The following PPM1K variants were observed in gnomAD, a reference collection of about 807,000 sequenced individuals.
PPM1K encodes protein phosphatase Mn(2+)-dependent 1K.
Under a neutral mutation model 32.6 loss-of-function variants are expected in PPM1K, and 19 were observed. That is an observed-to-expected ratio of 0.58 (90% CI 0.41 to 0.86). PPM1K has a LOEUF of 0.86. Ranked by LOEUF, PPM1K falls within the 40% of genes least tolerant of loss-of-function variation. The probability of loss-of-function intolerance (pLI) is 0.00; values close to 1 mark genes in which losing one functional copy is unlikely to be tolerated. For missense variants in PPM1K, 362 were observed against 461.2 expected, an observed-to-expected ratio of 0.78 and a Z score of 1.97; for synonymous variants, 159 against 165.3, an observed-to-expected ratio of 0.96 and a Z score of 0.29.
rs915422872 is a variant in PPM1K, at chr4:88,261,605, G to T, written c.*990C>A. The T allele has an allele frequency of 6.6e-6, 1 of 151,954 alleles. No individual in the cohort carries two copies. The highest frequency in any genetic ancestry group is 2.4e-5 in the African/African-American group (1 of 41,406). 9.4% of individuals were successfully genotyped at this position (151,954 alleles called of 1,614,324 possible). A position where few individuals can be genotyped will look rare whatever the true frequency, so the allele number is the denominator to read the frequency against. On this transcript the variant is annotated 3_prime_UTR_variant, in exon 7 of 7. Coordinates refer to ENST00000608933, the MANE Select transcript of PPM1K (RefSeq NM_152542.5). ...ACAGAAAAATAGGAATAAATGGAGGGGAGGGCTGATGAGACAGCTGAAATA... is the reference window on the plus strand; with the variant it reads ...ACAGAAAAATAGGAATAAATGGAGGTGAGGGCTGATGAGACAGCTGAAATA...
rs1731222152 is a variant in PPM1K, at chr4:88,264,058, G to A, written c.987+943C>T. On this transcript the variant is annotated intron_variant, in intron 6 of 6. Transcript: ENST00000608933. ...TTTGTGAATTAGAATGCAAATATCT[G>A]CAAGACAGGCAGCTGAAATTAGGAA... Among the ~76,000 whole-genome samples the A allele has an allele frequency of 2.0e-5, 3 of 152,172 alleles. No homozygotes were observed. The South Asian group carries it at 6.2e-4, about 32-fold the overall frequency.
intron 5 of PPM1K, among the ~76,000 whole-genome samples, chr4:88,266,269 GGACAATGAA>G (rs1731299670): frequency 6.6e-6 from 1 of 152,216 alleles, no homozygotes; most frequent in Non-Finnish European, 1.5e-5. Context: ...GGGCAGTTCA[GGACAATGAA>G]GACACTGATT....
intron 3 of PPM1K, 177 bp downstream of exon 3, chr4:88,276,966 T>C (rs937864524): frequency 1.1e-5 from 7 of 659,618 alleles, no homozygotes; most frequent in African/African-American, 3.7e-5. Context: ...TTAACATTAA[T>C]TGGAGTTCCC....
intron 3 of PPM1K, chr4:88,275,486 G>A (rs1008314024): frequency 2.0e-5 from 20 of 985,184 alleles, no homozygotes; most frequent in Non-Finnish European, 2.4e-5. Flanking sequence ...TTTACATCAA[G>A]TCAATCACCG....
chr4:88,262,467 ACTAT>A lies in PPM1K; in HGVS notation c.*124_*127del, dbSNP rs1328194824. 3.0e-5 allele frequency: 28 copies of A among 935,424 alleles called. No individual in the cohort carries two copies. Among genetic ancestry groups the A allele is most frequent in the Admixed American group, 5.8e-5 (2 of 34,212 alleles). 57.9% of individuals were successfully genotyped at this position (935,424 alleles called of 1,614,324 possible). A position where few individuals can be genotyped will look rare whatever the true frequency, so the allele number is the denominator to read the frequency against. On this transcript the variant is annotated 3_prime_UTR_variant, in exon 7 of 7. Coordinates refer to ENST00000608933, the MANE Select transcript of PPM1K (RefSeq NM_152542.5). Reference sequence around the variant, plus strand: ...TATGATGAGCATTTATGAAAAAACTACTATCTAAGTGGTTTACACTGACTTGTGC... The same window carrying A: ...TATGATGAGCATTTATGAAAAAACTACTAAGTGGTTTACACTGACTTGTGC...
At chr4:88,270,289 T>C (rs1438118408) in intron 3 of PPM1K, among the ~76,000 whole-genome samples, 1 of 152,212 alleles carries the variant, frequency 6.6e-6, no homozygotes, top group Admixed American at 6.5e-5. Context: ...ATGAACAAAC[T>C]CTACTTAATC....
At chr4:88,272,220 G>T (rs535567919) in intron 3 of PPM1K, among the ~76,000 whole-genome samples, 1 of 152,160 alleles carries the variant, frequency 6.6e-6, no homozygotes, top group African/African-American at 2.4e-5. Context: ...AGCACGGTAA[G>T]AACATCTCAT....
At chr4:88,283,309 G>A (rs1003995155) in intron 1 of PPM1K, among the ~76,000 whole-genome samples, 9 of 152,198 alleles carry the variant, frequency 5.9e-5, no homozygotes, top group African/African-American at 2.2e-4. Context: ...CCGAGGTTTC[G>A]ATGTGTTGCC....
intron 6 of PPM1K, among the ~76,000 whole-genome samples, chr4:88,263,808 C>T (rs1231811709): frequency 6.6e-6 from 1 of 152,056 alleles, no homozygotes; most frequent in Non-Finnish European, 1.5e-5. Context: ...ATAGCTGGGA[C>T]TATACATGCA....
intron 5 of PPM1K, among the ~76,000 whole-genome samples, chr4:88,266,960 G>GTGCAGGTGATGCTGATTGGA (rs1560485600): frequency 3.4e-5 from 5 of 146,074 alleles, no homozygotes; most frequent in African/African-American, 1.3e-4. Context: ...TGCTGATTGG[G>GTGCAGGTGATGCTGATTGGA]TGCAGGTGAT....
chr4:88,276,260 G>A, intron 3 of PPM1K: 1 of 985,268 alleles, frequency 1.0e-6, no homozygotes, highest in Non-Finnish European at 1.2e-6. Flanking sequence ...CATTTCTGTG[G>A]TGCACTTGGT....
intron 3 of PPM1K, among the ~76,000 whole-genome samples, chr4:88,273,830 G>A (rs752650297): frequency 5.9e-5 from 9 of 152,176 alleles, no homozygotes; most frequent in Non-Finnish European, 1.2e-4. Flanking sequence ...AAAAGATTAG[G>A]GTGGGGGTGG....
intron 6 of PPM1K, among the ~76,000 whole-genome samples, chr4:88,263,616 T>A (rs1731205575): frequency 6.6e-6 from 1 of 151,902 alleles, no homozygotes; most frequent in Admixed American, 6.6e-5. Context: ...GTAAAAAAAA[T>A]ATTTTTTTTT....
Position 88,268,770 on chromosome 4 carries a change from A to T in PPM1K, c.678T>A (p.His226Gln), listed in dbSNP as rs1415851456. Reference protein sequence around the residue: ...KGKPMKLTIDHTPERKDEKER... With the variant: ...KGKPMKLTIDQTPERKDEKER... ...CTTTTTCATCTTTTCTTTCTGGAGT[A>T]TGGTCAATGGTCAGCTTCATGGGTT... Residue 226 changes from histidine (H) to glutamine (Q), a missense_variant, in exon 4 of 7, where the codon CAT becomes CAA. Coordinates refer to ENST00000608933, the MANE Select transcript of PPM1K (RefSeq NM_152542.5). The T allele has an allele frequency of 6.2e-7, 1 of 1,613,912 alleles. No homozygotes were observed. Among genetic ancestry groups the T allele is most frequent in the East Asian group, 2.2e-5 (1 of 44,898 alleles).
chr4:88,264,967 C>T, intron 6 of PPM1K, 34 bp downstream of exon 6: 1 of 1,611,564 alleles, frequency 6.2e-7, no homozygotes, highest in Non-Finnish European at 8.5e-7. Context: ...CCTTCCTTCT[C>T]CTTGGGACTT....
At chr4:88,283,408 T>C (rs1380861156) in intron 1 of PPM1K, among the ~76,000 whole-genome samples, 1 of 152,356 alleles carries the variant, frequency 6.6e-6, no homozygotes, top group Middle Eastern at 3.4e-3. Context: ...ACCGGTCTCA[T>C]TGCTCTTTTT....
At chr4:88,267,098 T>C (rs1731355138) in intron 5 of PPM1K, among the ~76,000 whole-genome samples, 1 of 123,252 alleles carries the variant, frequency 8.1e-6, no homozygotes, top group Non-Finnish European at 1.6e-5. Context: ...ATGCAGGTGA[T>C]GCTGATTGGG....
Position 88,260,461 on chromosome 4 carries a change from A to AC in PPM1K, c.*2133dup, listed in dbSNP as rs1199972648. 1 of 152,188 alleles carries AC rather than the reference A, an allele frequency of 6.6e-6. No individual in the cohort carries two copies. Among genetic ancestry groups the AC allele is most frequent in the Non-Finnish European group, 1.5e-5 (1 of 68,042 alleles). 9.4% of individuals were successfully genotyped at this position (152,188 alleles called of 1,614,324 possible). ...TAGCTTCCACATTTCTGTTCCAAGA[A>AC]CTGATTAGAAAAAGCAAGATGGTTT... On this transcript the variant is annotated 3_prime_UTR_variant, in exon 7 of 7. Transcript: ENST00000608933.
intron 1 of PPM1K, among the ~76,000 whole-genome samples, chr4:88,281,890 GAT>G (rs1194712391): frequency 6.6e-6 from 1 of 151,768 alleles, no homozygotes; most frequent in African/African-American, 2.4e-5. Context: ...CAGCTCTGCC[GAT>G]GCCCATGGGA....
Sources: gnomAD v4.1 joint callset for allele counts (sites outside exome capture counted in the v4.1 genomes callset) on GRCh38, gnomAD v4.1.1 for gene constraint, MANE v1.5 for transcripts, NCBI Gene and HGNC (gene_info 2026-07-23, HGNC 2026-07-21) for gene names.